Variants in COL14A1 observed in about 807,000 individuals in gnomAD.
COL14A1 encodes the protein collagen type XIV alpha 1 chain.
A neutral mutation model predicts 230.3 loss-of-function variants in COL14A1; 136 were observed. The ratio of observed to expected loss-of-function variants is 0.59; its 90% CI spans 0.51 to 0.68. COL14A1 has a LOEUF of 0.68. Among genes scored for constraint, COL14A1 ranks in the 30% least tolerant of loss-of-function variants. COL14A1 has a pLI of 0.00. For missense variants in COL14A1, 1,976 were observed against 2,215.8 expected, an observed-to-expected ratio of 0.89 and a Z score of 2.17; for synonymous variants, 792 against 784.1, an observed-to-expected ratio of 1.01 and a Z score of -0.17.
At chr8:120,131,838 C>CTTTTTTTTTT (rs1172286717) in intron 1 of COL14A1, among the ~76,000 whole-genome samples, 4 of 68,950 alleles carry the variant, frequency 5.8e-5, no homozygotes, top group African/African-American at 2.3e-4. Flanking sequence ...TTCTTCCTTT[C>CTTTTTTTTTT]TTTTTTTTTT....
chr8:120,227,409 C>T, intron 17 of COL14A1, 57 bp downstream of exon 17: 1 of 1,586,542 alleles, frequency 6.3e-7, no homozygotes, highest in South Asian at 1.1e-5. Context: ...CCTCTTTACC[C>T]CATCAATTTC....
chr8:120,313,577 C>A (rs1821112966), intron 37 of COL14A1, among the ~76,000 whole-genome samples: 1 of 152,094 alleles, frequency 6.6e-6, no homozygotes, highest in South Asian at 2.1e-4. Context: ...ACAGTGTGAA[C>A]CTTCCCAGAC....
At chr8:120,281,593 A>G (rs961276910) in intron 31 of COL14A1, among the ~76,000 whole-genome samples, 48 of 151,002 alleles carry the variant, frequency 3.2e-4, no homozygotes, top group Admixed American at 2.2e-3. Context: ...GTTGATACTT[A>G]TATAGCACTA....
intron 18 of COL14A1, among the ~76,000 whole-genome samples, chr8:120,230,545 C>G (rs1207404720): frequency 6.6e-6 from 1 of 151,958 alleles, no homozygotes; most frequent in East Asian, 1.9e-4. Context: ...CTATGCTTCC[C>G]CCGTTTTTCT....
intron 34 of COL14A1, among the ~76,000 whole-genome samples, chr8:120,293,698 C>T (rs1339166547): frequency 1.3e-5 from 2 of 151,774 alleles, no homozygotes; most frequent in African/African-American, 4.8e-5. Flanking sequence ...AGAATAAAGG[C>T]AGAGAAGGAA....
In COL14A1 at chr8:120,278,090, G is replaced by T. The variant is rs377764307; in HGVS notation, c.3214-21G>T. 7 of 1,587,798 alleles carry T rather than the reference G, an allele frequency of 4.4e-6. No individual in the cohort carries two copies. In the African/African-American group the frequency reaches 5.4e-5, roughly 12 times the overall value. ...TGGAAGTCTACATATGTGTGAAAAT[G>T]AATACACCTTCTCTCTCCAGGTTGC... On this transcript the variant is annotated intron_variant, in intron 26 of 47. Coordinates refer to ENST00000297848, the MANE Select transcript of COL14A1 (RefSeq NM_021110.4).
chr8:120,229,552 A>T (rs1818203336), intron 18 of COL14A1, among the ~76,000 whole-genome samples: 1 of 152,072 alleles, frequency 6.6e-6, no homozygotes, highest in Admixed American at 6.5e-5. Flanking sequence ...TGCTATCGTG[A>T]ATAGTGCCAC....
intron 27 of COL14A1, 42 bp downstream of exon 27, chr8:120,278,276 T>C (rs915404833): frequency 1.9e-6 from 3 of 1,563,838 alleles, no homozygotes; most frequent in Non-Finnish European, 2.6e-6. Flanking sequence ...AAGTAATTCA[T>C]TATTTGTAAC....
Position 120,231,523 on chromosome 8 carries a change from C to T in COL14A1, c.2254C>T (p.Arg752Trp), listed in dbSNP as rs529247883. Residue 752 changes from arginine (R) to tryptophan (W), a missense_variant, in exon 19 of 48, where the codon CGG (arginine) becomes TGG (tryptophan). This residue lies in a region of COL14A1 where 1,791 missense variants were observed against 2,019.5 expected (regional missense o/e 0.89). Transcript: ENST00000297848. ...VVGDETTSSL[R>W]VKWDISDSDV... Reference sequence around the variant, plus strand: ...AGGTGATGAAACTACTTCTAGCCTGCGGGTAAAATGGGACATTTCTGACAG... The same window carrying T: ...AGGTGATGAAACTACTTCTAGCCTGTGGGTAAAATGGGACATTTCTGACAG... The T allele has an allele frequency of 2.3e-4, 375 of 1,613,954 alleles. 1 individual carries two copies. Among genetic ancestry groups the T allele is most frequent in the South Asian group, 1.8e-3 (163 of 91,074 alleles).
At chr8:120,255,585 C>T (rs1446986059) in intron 23 of COL14A1, among the ~76,000 whole-genome samples, 2 of 152,130 alleles carry the variant, frequency 1.3e-5, no homozygotes, top group African/African-American at 4.8e-5. Flanking sequence ...AGCCATAGTG[C>T]TGATTTTTTA....
chr8:120,260,174 T>C (rs919789659), intron 23 of COL14A1, among the ~76,000 whole-genome samples: 2 of 152,156 alleles, frequency 1.3e-5, no homozygotes, highest in Non-Finnish European at 2.9e-5. Flanking sequence ...AAAATGAATT[T>C]AAAATTCTAT....
chr8:120,216,847 G>T (rs1045820191), intron 14 of COL14A1, among the ~76,000 whole-genome samples: 4 of 152,188 alleles, frequency 2.6e-5, no homozygotes, highest in Non-Finnish European at 4.4e-5. Context: ...AGCTTCAGGG[G>T]AGTTGGCTCA....
At chr8:120,176,134 C>A (rs997297562) in intron 5 of COL14A1, among the ~76,000 whole-genome samples, 6 of 152,018 alleles carry the variant, frequency 3.9e-5, no homozygotes, top group Non-Finnish European at 5.9e-5. Context: ...TTAATAATAG[C>A]ATGTATATTT....
intron 26 of COL14A1, among the ~76,000 whole-genome samples, chr8:120,270,646 T>C (rs1421140723): frequency 6.6e-6 from 1 of 151,690 alleles, no homozygotes; most frequent in Non-Finnish European, 1.5e-5. Context: ...GTCTCTAATT[T>C]TGTGGGGCTC....
At position 120,131,582 on chromosome 8, in the gene COL14A1, T is replaced by A. The variant is rs144271136; in HGVS notation, c.-38+6242T>A. On this transcript the variant is annotated intron_variant, in intron 1 of 47. Transcript: ENST00000297848. The stretch of plus-strand genomic sequence containing the variant: ...ATTTGTTTTTTGCTTGTTGAATAAT[T>A]TAAGTTCATTATAGATTCTGGATAT... Among the ~76,000 whole-genome samples the A allele has an allele frequency of 2.7e-3, 409 of 152,250 alleles. 1 individual carries two copies. Among genetic ancestry groups the A allele is most frequent in the African/African-American group, 9.1e-3 (377 of 41,560 alleles).
At chr8:120,300,457 T>G (rs1339474136) in intron 35 of COL14A1, among the ~76,000 whole-genome samples, 1 of 152,094 alleles carries the variant, frequency 6.6e-6, no homozygotes, top group African/African-American at 2.4e-5. Context: ...AGATTTTTTT[T>G]TTGTTGCACT....
At chr8:120,189,662 G>A (rs996680416) in intron 5 of COL14A1, among the ~76,000 whole-genome samples, 4 of 128,184 alleles carry the variant, frequency 3.1e-5, no homozygotes, top group African/African-American at 1.2e-4. Flanking sequence ...AGTCCCCAGA[G>A]TGTGATGTTC....
In COL14A1 at chr8:120,196,789, AGAAGT is replaced by A. The variant is rs1817052199; in HGVS notation, c.439_443del (p.Val147IlefsTer10). On this transcript the variant is annotated splice_acceptor_variant and coding_sequence_variant, in exon 6 of 48. Transcript: ENST00000297848. LOFTEE classifies it high-confidence loss of function. The stretch of plus-strand genomic sequence containing the variant: ...TGCGCTTTTCTGGTTTGTGCTTTGC[AGAAGT>A]GAAATTTGTCTGTCAAACTCCAGCA... The A allele has an allele frequency of 6.2e-7, 1 of 1,613,440 alleles. No individual in the cohort carries two copies. The highest frequency in any genetic ancestry group is 1.7e-5 in the Admixed American group (1 of 59,924).
At chr8:120,357,846 T>C (rs1049796138) in intron 45 of COL14A1, among the ~76,000 whole-genome samples, 5 of 152,216 alleles carry the variant, frequency 3.3e-5, no homozygotes, top group Non-Finnish European at 5.9e-5. Flanking sequence ...AAACGCAAGA[T>C]GCAGCTGTGG....
Sources: gnomAD v4.1 joint callset for allele counts (sites outside exome capture counted in the v4.1 genomes callset) on GRCh38, gnomAD v4.1.1 for gene constraint, gnomAD v4.1.1 regional missense constraint, MANE v1.5 for transcripts, NCBI Gene and HGNC (gene_info 2026-07-23, HGNC 2026-07-21) for gene names.